The following EPB41L4B variants were observed in gnomAD, a reference collection of about 807,000 sequenced individuals.
EPB41L4B encodes the protein band 4.1-like protein 4B.
In EPB41L4B, 30 loss-of-function variants were observed where a neutral mutation model predicts 112.5. That is an observed-to-expected ratio of 0.27 (90% CI 0.20 to 0.36). The LOEUF is 0.36. Ranked by LOEUF, EPB41L4B falls within the 10% of genes least tolerant of loss-of-function variation. The pLI is 1.00. For synonymous variants in EPB41L4B, 408 were observed against 439.7 expected (o/e 0.93, Z 0.90); for missense variants, 1,024 against 1,133.3 (o/e 0.90, Z 1.38).
chr9:109,272,105 G>A (rs1199546622), intron 2 of EPB41L4B, among the ~76,000 whole-genome samples: 1 of 152,156 alleles, frequency 6.6e-6, no homozygotes, highest in Admixed American at 6.5e-5. Flanking sequence ...TCACCATTAA[G>A]TCTGAGTGAC....
chr9:109,229,922 G>C (rs1231795104), intron 15 of EPB41L4B, among the ~76,000 whole-genome samples: 1 of 152,124 alleles, frequency 6.6e-6, no homozygotes, highest in African/African-American at 2.4e-5. Context: ...CCTGCCACTA[G>C]TCCATACCCA....
intron 1 of EPB41L4B, among the ~76,000 whole-genome samples, chr9:109,318,814 G>T (rs1837731771): frequency 1.3e-5 from 2 of 152,184 alleles, no homozygotes; most frequent in African/African-American, 4.8e-5. Flanking sequence ...ATAGCAAAAT[G>T]ATATCTTATG....
intron 6 of EPB41L4B, among the ~76,000 whole-genome samples, chr9:109,258,621 A>C (rs1367011677): frequency 6.6e-6 from 1 of 152,220 alleles, no homozygotes. Flanking sequence ...TTGCAATAAA[A>C]GGCAATTGCA....
intron 23 of EPB41L4B, 34 bp downstream of exon 23, chr9:109,185,455 C>T: frequency 6.3e-7 from 1 of 1,596,388 alleles, no homozygotes; most frequent in Non-Finnish European, 8.6e-7. Flanking sequence ...CTCACCTCTC[C>T]TGGCCAGGCC....
chr9:109,320,451 G>A lies in EPB41L4B; in HGVS notation c.-5C>T. The A allele has an allele frequency of 1.0e-6, 1 of 988,532 alleles. No individual in the cohort carries two copies. The highest frequency in any genetic ancestry group is 1.2e-6 in the Non-Finnish European group (1 of 834,280). The allele number at this position is 988,532 out of a possible 1,614,324, so 61.2% of individuals were successfully genotyped here. ...CCGGCGCAGGAACCGCAGCATCCTG[G>A]CTGGGGGCGCCCCCTGCCTCCGCCC... On this transcript the variant is annotated 5_prime_UTR_variant, in exon 1 of 26. Coordinates refer to ENST00000374566, the MANE Select transcript of EPB41L4B (RefSeq NM_019114.5).
intron 5 of EPB41L4B, 90 bp from the exon 6 acceptor site, chr9:109,263,192 G>T: frequency 6.6e-6 from 6 of 907,864 alleles, no homozygotes; most frequent in Non-Finnish European, 8.7e-6. Flanking sequence ...AAAAGGTAGC[G>T]CTATTTAGAT....
Position 109,240,999 on chromosome 9 carries a change from T to A in EPB41L4B, c.1409+2619A>T, listed in dbSNP as rs1834335603. The A allele has an allele frequency of 3.0e-6, 3 of 985,232 alleles. No individual in the cohort carries two copies. The South Asian group carries it at 1.4e-4, about 46-fold the overall frequency. 61.0% of individuals were successfully genotyped at this position (985,232 alleles called of 1,614,324 possible). On this transcript the variant is annotated intron_variant, in intron 15 of 25. Transcript: ENST00000374566. ...TAAGATGTGAAATTCAAAGTCCCCC[T>A]GTATCTATATAACATCTAATAAGTT...
chr9:109,276,199 AC>A, intron 2 of EPB41L4B, among the ~76,000 whole-genome samples: 1 of 120,520 alleles, frequency 8.3e-6, no homozygotes, highest in Non-Finnish European at 1.8e-5. Context: ...ACACACACAC[AC>A]ACAAATAACA....
rs1837843421 is a variant in EPB41L4B, at chr9:109,320,718, G to C, written c.-272C>G. ...GCCGTCCCGCCGCCGCCGCCGCCGCGCGCTCTCCCGGGCCGGCGGCCTGCG... is the reference window on the plus strand; with the variant it reads ...GCCGTCCCGCCGCCGCCGCCGCCGCCCGCTCTCCCGGGCCGGCGGCCTGCG... On this transcript the variant is annotated 5_prime_UTR_variant, in exon 1 of 26. Coordinates refer to ENST00000374566, the MANE Select transcript of EPB41L4B (RefSeq NM_019114.5). 1 of 140,468 alleles carries C rather than the reference G, an allele frequency of 7.1e-6. No homozygotes were observed. Among genetic ancestry groups the C allele is most frequent in the Non-Finnish European group, 1.6e-5 (1 of 63,990 alleles). 8.7% of individuals were successfully genotyped at this position (140,468 alleles called of 1,614,324 possible).
At chr9:109,185,002 T>G (rs1367545948) in intron 23 of EPB41L4B, among the ~76,000 whole-genome samples, 1 of 152,194 alleles carries the variant, frequency 6.6e-6, no homozygotes, top group African/African-American at 2.4e-5. Context: ...TTATGAATGA[T>G]ATGAATAAAT....
At chr9:109,284,907 T>C (rs1588208961) in intron 1 of EPB41L4B, among the ~76,000 whole-genome samples, 1 of 152,360 alleles carries the variant, frequency 6.6e-6, no homozygotes, top group East Asian at 1.9e-4. Flanking sequence ...GAGAATCTGC[T>C]AGTGGGACAG....
At chr9:109,253,715 A>C (rs1834879403) in intron 11 of EPB41L4B, among the ~76,000 whole-genome samples, 165 bp from the exon 12 acceptor site, 1 of 152,216 alleles carries the variant, frequency 6.6e-6, no homozygotes, top group African/African-American at 2.4e-5. Flanking sequence ...TTTGGAAATA[A>C]AATCTCCTTT....
At chr9:109,305,712 C>T (rs1241975418) in intron 1 of EPB41L4B, among the ~76,000 whole-genome samples, 1 of 151,946 alleles carries the variant, frequency 6.6e-6, no homozygotes, top group African/African-American at 2.4e-5. Context: ...CACCTGAGGT[C>T]GGGAGTTCAA....
chr9:109,201,633 C>G (rs1564261537), intron 19 of EPB41L4B, among the ~76,000 whole-genome samples: 1 of 152,048 alleles, frequency 6.6e-6, no homozygotes, highest in Admixed American at 6.6e-5. Context: ...TTGGGTGGAA[C>G]GGTCAGCATC....
intron 20 of EPB41L4B, among the ~76,000 whole-genome samples, chr9:109,196,781 T>G (rs571435178): frequency 6.6e-6 from 1 of 151,840 alleles, no homozygotes; most frequent in East Asian, 1.9e-4. Context: ...GACCCTCTAC[T>G]TCTCCATTCT....
intron 19 of EPB41L4B, among the ~76,000 whole-genome samples, chr9:109,201,172 C>T (rs539313730): frequency 3.9e-5 from 6 of 152,178 alleles, no homozygotes; most frequent in Admixed American, 2.6e-4. Context: ...ATGTTGAGGC[C>T]GGGTGCAGTG....
intron 2 of EPB41L4B, among the ~76,000 whole-genome samples, chr9:109,274,239 A>G (rs1335736540): frequency 6.6e-6 from 1 of 152,144 alleles, no homozygotes; most frequent in Non-Finnish European, 1.5e-5. Flanking sequence ...AAGGACTTAC[A>G]GTGGCCACAT....
Position 109,320,952 on chromosome 9 carries a change from A to G in EPB41L4B, c.-506T>C, listed in dbSNP as rs915534059. 2 of 162,358 alleles carry G rather than the reference A, an allele frequency of 1.2e-5. No homozygotes were observed. The highest frequency in any genetic ancestry group is 4.9e-5 in the African/African-American group (2 of 40,776). 10.1% of individuals were successfully genotyped at this position (162,358 alleles called of 1,614,324 possible). A position where few individuals can be genotyped will look rare whatever the true frequency, so the allele number is the denominator to read the frequency against. ...AGGCCCCGCCGAGCGCCCGCTCCCAAGGCGCCTTTTCCTGCGCCCGCAGCC... is the reference window on the plus strand; with the variant it reads ...AGGCCCCGCCGAGCGCCCGCTCCCAGGGCGCCTTTTCCTGCGCCCGCAGCC... On this transcript the variant is annotated 5_prime_UTR_variant, in exon 1 of 26. Coordinates refer to ENST00000374566, the MANE Select transcript of EPB41L4B (RefSeq NM_019114.5).
At chr9:109,237,433 T>G (rs909253198) in intron 15 of EPB41L4B, among the ~76,000 whole-genome samples, 6 of 152,220 alleles carry the variant, frequency 3.9e-5, no homozygotes, top group Admixed American at 1.3e-4. Flanking sequence ...ATGTAAAAGT[T>G]AATTCCATTA....
Sources: gnomAD v4.1 joint callset for allele counts (sites outside exome capture counted in the v4.1 genomes callset) on GRCh38, gnomAD v4.1.1 for gene constraint, MANE v1.5 for transcripts, NCBI Gene and HGNC (gene_info 2026-07-23, HGNC 2026-07-21) for gene names.